KCNB2: variants seen among roughly 807,000 people sequenced by gnomAD.
KCNB2 encodes potassium voltage-gated channel subfamily B member 2, also known as delayed rectifier potassium channel protein.
KCNB2 carries 15 observed loss-of-function variants against 61.5 expected under a neutral mutation model. The ratio of observed to expected loss-of-function variants is 0.24; its 90% CI spans 0.16 to 0.38. The LOEUF is 0.38. Among genes scored for constraint, KCNB2 ranks in the 10% least tolerant of loss-of-function variants. The probability of loss-of-function intolerance (pLI) is 1.00; values close to 1 mark genes in which losing one functional copy is unlikely to be tolerated. For synonymous variants in KCNB2, 457 were observed against 446.0 expected (o/e 1.02, Z -0.31); for missense variants, 828 against 1,125.2 (o/e 0.74, Z 3.78).
chr8:72,924,198 A>G lies in KCNB2; in HGVS notation c.580-11737A>G, dbSNP rs529190045. On this transcript the variant is annotated intron_variant, in intron 2 of 2. Coordinates refer to ENST00000523207, the MANE Select transcript of KCNB2 (RefSeq NM_004770.3). The stretch of plus-strand genomic sequence containing the variant: ...AGAGGAGGTCAGGGTGGAATTAGAG[A>G]CCACGTCAGCATCATCTCCAAGGTT... Among the ~76,000 whole-genome samples, 503 of 152,288 alleles carry G rather than the reference A, an allele frequency of 3.3e-3. 4 individuals carry two copies. The highest frequency in any genetic ancestry group is 9.5e-3 in the African/African-American group (396 of 41,564).
chr8:72,934,792 A>G (rs932777717), intron 2 of KCNB2, among the ~76,000 whole-genome samples: 3 of 152,000 alleles, frequency 2.0e-5, no homozygotes, highest in Non-Finnish European at 2.9e-5. Context: ...AGTATACTAA[A>G]TACACAATTT....
chr8:72,928,943 G>GT (rs35024984), intron 2 of KCNB2, among the ~76,000 whole-genome samples: 52 of 150,066 alleles, frequency 3.5e-4, no homozygotes, highest in African/African-American at 8.8e-4. Context: ...GAGATAAACA[G>GT]TTTTTTTTTT....
chr8:72,900,393 C>A (rs1299060518), intron 2 of KCNB2, among the ~76,000 whole-genome samples: 1 of 151,998 alleles, frequency 6.6e-6, no homozygotes, highest in Non-Finnish European at 1.5e-5. Flanking sequence ...AATAAAAATC[C>A]TAAGAGAAAA....
intron 2 of KCNB2, among the ~76,000 whole-genome samples, chr8:72,595,450 T>C (rs956291575): frequency 2.6e-5 from 4 of 151,772 alleles, no homozygotes; most frequent in Non-Finnish European, 5.9e-5. Flanking sequence ...CTCAGCCTCC[T>C]GAGGAGCTGG....
intron 2 of KCNB2, among the ~76,000 whole-genome samples, chr8:72,738,875 T>C (rs1461714405): frequency 6.6e-6 from 1 of 152,184 alleles, no homozygotes; most frequent in Non-Finnish European, 1.5e-5. Flanking sequence ...GCCAGAGTTT[T>C]TCTTCAATAG....
At chr8:72,896,782 T>A (rs1334387132) in intron 2 of KCNB2, among the ~76,000 whole-genome samples, 1 of 152,164 alleles carries the variant, frequency 6.6e-6, no homozygotes, top group Admixed American at 6.5e-5. Context: ...AGGGTTCTTC[T>A]ACATCTAGGC....
At chr8:72,552,359 A>G (rs1386491966) in intron 1 of KCNB2, among the ~76,000 whole-genome samples, 1 of 152,196 alleles carries the variant, frequency 6.6e-6, no homozygotes, top group Non-Finnish European at 1.5e-5. Context: ...AATGTTCTAT[A>G]TTGGTGCTCT....
At chr8:72,602,293 C>A (rs956317914) in intron 2 of KCNB2, among the ~76,000 whole-genome samples, 4 of 152,028 alleles carry the variant, frequency 2.6e-5, no homozygotes, top group Admixed American at 6.6e-5. Flanking sequence ...GGGGAGGTGG[C>A]CTCAAGTTTG....
chr8:72,725,599 A>ATATATATGTATGTG (rs1318077275), intron 2 of KCNB2, among the ~76,000 whole-genome samples: 1,330 of 57,530 alleles, frequency 0.023, 39 homozygotes, highest in African/African-American at 0.055. Flanking sequence ...ATGTATATAT[A>ATATATATGTATGTG]TATATATATA....
Position 72,848,562 on chromosome 8 carries a change from C to T in KCNB2, c.580-87373C>T, listed in dbSNP as rs538591277. On this transcript the variant is annotated intron_variant, in intron 2 of 2. Coordinates refer to ENST00000523207, the MANE Select transcript of KCNB2 (RefSeq NM_004770.3). ...AAACTCTAAATGCTTACTCTCAATT[C>T]TGTTACTTTTCTTGTCTTGTATTAA... 2.0e-5 allele frequency among the ~76,000 whole-genome samples: 3 copies of T among 152,310 alleles called. No homozygotes were observed. The South Asian group carries it at 6.2e-4, about 32-fold the overall frequency.
Position 72,853,193 on chromosome 8 carries a change from G to A in KCNB2, c.580-82742G>A, listed in dbSNP as rs573756390. ...TCCCACTCCCTCAACTGCTCAGAGT[G>A]TTGGCTCCAACAGAACAGAGCTCTT... is the stretch of plus-strand genomic sequence containing the variant. On this transcript the variant is annotated intron_variant, in intron 2 of 2. Transcript: ENST00000523207. 5.3e-5 allele frequency among the ~76,000 whole-genome samples: 8 copies of A among 152,316 alleles called. 1 individual carries two copies. The East Asian group carries it at 1.2e-3, about 22-fold the overall frequency.
intron 2 of KCNB2, among the ~76,000 whole-genome samples, chr8:72,882,481 G>C (rs908764564): frequency 1.5e-4 from 22 of 149,130 alleles, no homozygotes; most frequent in African/African-American, 5.4e-4. Context: ...GACATGTCAG[G>C]TCTGTGCTTT....
chr8:72,830,093 C>G (rs1585917493), intron 2 of KCNB2, among the ~76,000 whole-genome samples: 1 of 152,056 alleles, frequency 6.6e-6, no homozygotes, highest in Admixed American at 6.5e-5. Context: ...TTCTTCTCCT[C>G]TTCACTATGC....
intron 2 of KCNB2, among the ~76,000 whole-genome samples, chr8:72,753,577 G>A (rs748140224): frequency 2.0e-5 from 3 of 152,134 alleles, no homozygotes; most frequent in Admixed American, 1.3e-4. Flanking sequence ...TGTCAGTAGC[G>A]AACAGCTTTT....
At chr8:72,832,596 A>C (rs1171970801) in intron 2 of KCNB2, among the ~76,000 whole-genome samples, 1 of 152,220 alleles carries the variant, frequency 6.6e-6, no homozygotes, top group African/African-American at 2.4e-5. Flanking sequence ...GTAAGTGTCA[A>C]GAGCTGTAAA....
At chr8:72,644,843 A>C (rs1053030641) in intron 2 of KCNB2, among the ~76,000 whole-genome samples, 2 of 152,152 alleles carry the variant, frequency 1.3e-5, no homozygotes, top group African/African-American at 2.4e-5. Flanking sequence ...TGATATTTAG[A>C]GAAACTGAAT....
intron 2 of KCNB2, among the ~76,000 whole-genome samples, chr8:72,859,965 C>T (rs1008269436): frequency 2.6e-5 from 4 of 151,926 alleles, no homozygotes; most frequent in East Asian, 1.9e-4. Flanking sequence ...GTGATCCACC[C>T]GCCTTGGCCT....
intron 2 of KCNB2, among the ~76,000 whole-genome samples, chr8:72,768,124 A>T (rs1808491456): frequency 6.6e-6 from 1 of 152,068 alleles, no homozygotes; most frequent in Non-Finnish European, 1.5e-5. Context: ...CCTTTATGAG[A>T]TTATGTTGTT....
At chr8:72,588,084 A>T (rs1189888215) in intron 2 of KCNB2, among the ~76,000 whole-genome samples, 1 of 152,212 alleles carries the variant, frequency 6.6e-6, no homozygotes, top group African/African-American at 2.4e-5. Context: ...CTCTGGAAAC[A>T]TGGTCACATC....
Sources: allele counts gnomAD v4.1 joint callset (sites outside exome capture counted in the v4.1 genomes callset), GRCh38; gene constraint gnomAD v4.1.1; transcripts MANE v1.5; gene names NCBI Gene and HGNC (gene_info 2026-07-23, HGNC 2026-07-21).